ERC2: variants seen among roughly 807,000 people sequenced by gnomAD.
ERC2 encodes the protein ELKS/RAB6-interacting/CAST family member 2, also known as ERC protein 2.
In ERC2, 42 loss-of-function variants were observed where a neutral mutation model predicts 114.8. The observed-to-expected ratio is 0.37, with a 90% CI of 0.29 to 0.47. ERC2 has a LOEUF of 0.47. Ranked by LOEUF, ERC2 falls within the 20% of genes least tolerant of loss-of-function variation. The pLI, the probability that ERC2 is intolerant of heterozygous loss-of-function variation, is 0.99. For synonymous variants in ERC2, 454 were observed against 425.5 expected (o/e 1.07, Z -0.82); for missense variants, 939 against 1,150.7 (o/e 0.82, Z 2.66).
chr3:55,926,630 C>T (rs1377456676), intron 13 of ERC2, among the ~76,000 whole-genome samples: 2 of 152,146 alleles, frequency 1.3e-5, no homozygotes, highest in Non-Finnish European at 2.9e-5. Flanking sequence ...TAGCAAACTG[C>T]ATTCCGTGGA....
At position 55,573,919 on chromosome 3, in the gene ERC2, C is replaced by T. The variant is rs558456698; in HGVS notation, c.*40-62643G>A. 3.9e-5 allele frequency among the ~76,000 whole-genome samples: 6 copies of T among 152,178 alleles called. 1 individual carries two copies. Among genetic ancestry groups the T allele is most frequent in the Admixed American group, 3.9e-4 (6 of 15,284 alleles). On this transcript the variant is annotated intron_variant, in intron 17 of 17. Coordinates refer to ENST00000288221, the MANE Select transcript of ERC2 (RefSeq NM_015576.3). ...TATTTGATGAGGGCACTTGATGTAG[C>T]GCTTCTCCTCATCACCAAACAGCTG...
intron 3 of ERC2, among the ~76,000 whole-genome samples, chr3:56,262,360 G>C (rs916167673): frequency 6.6e-6 from 1 of 152,190 alleles, no homozygotes; most frequent in Non-Finnish European, 1.5e-5. Context: ...ATCAGTCAGA[G>C]TCATCAACAA....
intron 6 of ERC2, among the ~76,000 whole-genome samples, chr3:56,119,646 T>C (rs2079460727): frequency 6.6e-6 from 1 of 152,258 alleles, no homozygotes; most frequent in South Asian, 2.1e-4. Flanking sequence ...CCAGGAACAC[T>C]GGAGCCATCT....
chr3:55,922,069 C>T (rs1413166320), intron 13 of ERC2, among the ~76,000 whole-genome samples: 1 of 152,132 alleles, frequency 6.6e-6, no homozygotes, highest in Non-Finnish European at 1.5e-5. Flanking sequence ...CCTCCAGTCA[C>T]TTAGTCTTCA....
chr3:56,229,403 A>T (rs1439768771), intron 3 of ERC2, among the ~76,000 whole-genome samples: 1 of 152,198 alleles, frequency 6.6e-6, no homozygotes, highest in Admixed American at 6.5e-5. Flanking sequence ...AGATAAAGGC[A>T]GTTTCAGAGA....
chr3:55,819,506 G>C (rs370305824), intron 14 of ERC2, among the ~76,000 whole-genome samples: 2 of 152,182 alleles, frequency 1.3e-5, no homozygotes, highest in African/African-American at 4.8e-5. Flanking sequence ...ACCTTTGACT[G>C]CTTAATCTGA....
intron 7 of ERC2, among the ~76,000 whole-genome samples, chr3:56,080,092 T>C (rs562152127): frequency 6.6e-6 from 1 of 152,286 alleles, no homozygotes; most frequent in South Asian, 2.1e-4. Context: ...TTATTTTTTT[T>C]GTAAAAGAGC....
chr3:56,311,819 A>ATGTG (rs10536094), intron 2 of ERC2, among the ~76,000 whole-genome samples: 10,557 of 142,854 alleles, frequency 0.074, 391 homozygotes, highest in Middle Eastern at 0.12. Flanking sequence ...ATACATATAA[A>ATGTG]TGTGTGTGTG....
chr3:55,927,074 T>A (rs2065795721), intron 13 of ERC2, among the ~76,000 whole-genome samples: 2 of 152,154 alleles, frequency 1.3e-5, no homozygotes, highest in Admixed American at 6.5e-5. Context: ...GTCCATTCTG[T>A]TTTTGCTATC....
intron 4 of ERC2, among the ~76,000 whole-genome samples, chr3:56,163,340 T>C (rs1468496708): frequency 6.6e-6 from 1 of 152,118 alleles, no homozygotes; most frequent in African/African-American, 2.4e-5. Context: ...ACATATATTC[T>C]GTGGTTGATG....
In ERC2 at chr3:56,149,110, T is replaced by G; in HGVS notation, c.1172A>C (p.Glu391Ala). The G allele has an allele frequency of 6.2e-7, 1 of 1,610,080 alleles. No individual in the cohort carries two copies. Among genetic ancestry groups the G allele is most frequent in the Non-Finnish European group, 8.5e-7 (1 of 1,178,130 alleles). ...EMKDTKIASLERNIRDLEDEI... is the reference protein window; with the variant it reads ...EMKDTKIASLARNIRDLEDEI... ...ATCCTCAAGATCCCTTATGTTTCGT[T>G]CCAATGAAGCGATTTTTGTGTCCTG... The change falls in exon 5 of 18, where the codon GAA becomes GCA. Residue 391 changes from glutamate (E) to alanine (A), a missense_variant. By Grantham distance (107) the Glu-to-Ala change is moderately radical. Around this residue, in one of 5 missense-constraint regions of ERC2, gnomAD observed 148 missense variants for 159.1 expected, o/e 0.93. Transcript: ENST00000288221.
chr3:55,777,720 A>G (rs9871520), intron 14 of ERC2, among the ~76,000 whole-genome samples: 9,325 of 152,274 alleles, frequency 0.061, 427 homozygotes, highest in African/African-American at 0.13. Context: ...ATGCTTGACA[A>G]TTACACACTA....
At position 55,675,903 on chromosome 3, in the gene ERC2, C is replaced by CTTTTTTTTTTTT. The variant is rs869296098; in HGVS notation, c.*39+7879_*39+7890dup. ...TTCCATCTTTCTTTCTCTTTTCTTT[C>CTTTTTTTTTTTT]TTTTTTTTTTTTTTTTTTTTTTTTT... On this transcript the variant is annotated intron_variant, in intron 17 of 17. Coordinates refer to ENST00000288221, the MANE Select transcript of ERC2 (RefSeq NM_015576.3). 7.1e-3 allele frequency among the ~76,000 whole-genome samples: 342 copies of CTTTTTTTTTTTT among 47,984 alleles called. 55 individuals are homozygous for CTTTTTTTTTTTT. Among genetic ancestry groups the CTTTTTTTTTTTT allele is most frequent in the Middle Eastern group, 0.042 (2 of 48 alleles). 31.5% of individuals were successfully genotyped at this position (47,984 alleles called of 152,430 possible). A position where few individuals can be genotyped will look rare whatever the true frequency, so the allele number is the denominator to read the frequency against.
At chr3:55,985,854 G>A (rs986951891) in intron 12 of ERC2, 123 bp downstream of exon 12, 26 of 836,268 alleles carry the variant, frequency 3.1e-5, no homozygotes, top group Non-Finnish European at 4.6e-5. Context: ...GGAATGAAAT[G>A]AGCGGGGGGA....
intron 16 of ERC2, among the ~76,000 whole-genome samples, chr3:55,693,274 C>T (rs1152109): frequency 0.014 from 2,129 of 152,322 alleles, 16 homozygotes; most frequent in Middle Eastern, 0.021. Context: ...GCTTCTACCA[C>T]AGAAAAGTCA....
intron 7 of ERC2, among the ~76,000 whole-genome samples, chr3:56,048,797 T>C (rs1033965794): frequency 1.3e-5 from 2 of 152,134 alleles, no homozygotes; most frequent in Admixed American, 6.5e-5. Flanking sequence ...ACACAGTCAA[T>C]AAACAAGTCA....
Position 55,956,342 on chromosome 3 carries a change from C to G in ERC2, c.2268-5782G>C, listed in dbSNP as rs762930741. 4.6e-5 allele frequency among the ~76,000 whole-genome samples: 7 copies of G among 152,158 alleles called. No homozygotes were observed. In the South Asian group the frequency reaches 6.2e-4, roughly 14 times the overall value. On this transcript the variant is annotated intron_variant, in intron 12 of 17. Coordinates refer to ENST00000288221, the MANE Select transcript of ERC2 (RefSeq NM_015576.3). ...AAGCTGGGATCCTGAAATGACTGCTCAAGTAGATGGGCCACACACACACGA... is the reference window on the plus strand; with the variant it reads ...AAGCTGGGATCCTGAAATGACTGCTGAAGTAGATGGGCCACACACACACGA...
intron 1 of ERC2, among the ~76,000 whole-genome samples, chr3:56,461,352 T>G (rs1029088164): frequency 6.6e-6 from 1 of 152,240 alleles, no homozygotes; most frequent in Non-Finnish European, 1.5e-5. Flanking sequence ...AGTTTACTTC[T>G]TGGTCTATAT....
At chr3:56,434,143 A>T in intron 2 of ERC2, 2 of 536,652 alleles carry the variant, frequency 3.7e-6, no homozygotes, top group Admixed American at 3.3e-5. Flanking sequence ...CAACCATGTG[A>T]AAAGGTTATC....
Sources: allele counts gnomAD v4.1 joint callset (sites outside exome capture counted in the v4.1 genomes callset), GRCh38; gene constraint gnomAD v4.1.1; regional missense constraint gnomAD v4.1.1; transcripts MANE v1.5; gene names NCBI Gene and HGNC (gene_info 2026-07-23, HGNC 2026-07-21).